COL10A1: variants seen among roughly 807,000 people sequenced by gnomAD.
The protein encoded by COL10A1 is collagen alpha-1(X) chain.
A neutral mutation model predicts 18.2 loss-of-function variants in COL10A1; 10 were observed. That is an observed-to-expected ratio of 0.55 (90% CI 0.34 to 0.93). The LOEUF (loss-of-function observed/expected upper bound fraction) is 0.93, where lower values mean the gene tolerates loss of function less well. COL10A1 is among the 40% of genes least tolerant of loss of function. The probability of loss-of-function intolerance (pLI) is 0.02; values close to 1 mark genes in which losing one functional copy is unlikely to be tolerated. For missense variants in COL10A1, 897 were observed against 853.5 expected (o/e 1.05, Z -0.64); for synonymous variants, 330 against 316.6 (o/e 1.04, Z -0.45).
the COL10A1 span, among the ~76,000 whole-genome samples, chr6:116,171,288 A>T: frequency 6.6e-6 from 1 of 152,218 alleles, no homozygotes; most frequent in South Asian, 2.1e-4. Context: ...CACATTATAA[A>T]ATCAAATAAA....
At chr6:116,144,074 G>A (rs754058150) in intron 1 of COL10A1, among the ~76,000 whole-genome samples, 14 of 152,034 alleles carry the variant, frequency 9.2e-5, no homozygotes, top group Non-Finnish European at 1.5e-4. Context: ...TTTATAATGA[G>A]GATATTCAGA....
the COL10A1 span, among the ~76,000 whole-genome samples, chr6:116,187,907 A>G: frequency 6.6e-6 from 1 of 152,048 alleles, no homozygotes; most frequent in Admixed American, 6.6e-5. Context: ...ATTACTAAGA[A>G]CGAAAGGGCA....
the COL10A1 span, among the ~76,000 whole-genome samples, chr6:116,214,406 A>G: frequency 6.6e-6 from 1 of 152,176 alleles, no homozygotes; most frequent in African/African-American, 2.4e-5. Flanking sequence ...AACGTTAAAT[A>G]TGCATAATCT....
At chr6:116,165,098 GAAAAAA>G in the COL10A1 span, among the ~76,000 whole-genome samples, 2 of 101,072 alleles carry the variant, frequency 2.0e-5, no homozygotes, top group Non-Finnish European at 3.8e-5. Context: ...CTCCGTCTCA[GAAAAAA>G]AAAAAAAAAA....
At chr6:116,139,801 C>T (rs1275080064) in intron 1 of COL10A1, among the ~76,000 whole-genome samples, 2 of 152,096 alleles carry the variant, frequency 1.3e-5, no homozygotes, top group African/African-American at 2.4e-5. Context: ...AAGACATCTT[C>T]AATGTGAGGG....
In COL10A1 at chr6:116,121,686, G is replaced by C; in HGVS notation, c.430C>G (p.Pro144Ala). The C allele has an allele frequency of 1.2e-6, 2 of 1,614,046 alleles. No homozygotes were observed. The highest frequency in any genetic ancestry group is 1.7e-6 in the Non-Finnish European group (2 of 1,179,998). The stretch of plus-strand genomic sequence containing the variant: ...ATTCCAGCCGGTCCAGGGATTCCAG[G>C]TGGTCCTGGTGGGCCCCGGGGTCCT... ...LPGPRGPPGP[P>A]GIPGPAGISV... The change falls in exon 3 of 3, where the codon CCT becomes GCT. Residue 144 changes from proline to alanine, a missense_variant. Coordinates refer to ENST00000651968, the MANE Select transcript of COL10A1 (RefSeq NM_000493.4).
At chr6:116,211,886 TC>T in the COL10A1 span, among the ~76,000 whole-genome samples, 2 of 151,988 alleles carry the variant, frequency 1.3e-5, no homozygotes, top group African/African-American at 2.4e-5. Context: ...CCTGCTCTGA[TC>T]CCCCAACACA....
At chr6:116,199,230 C>T in the COL10A1 span, among the ~76,000 whole-genome samples, 8 of 152,036 alleles carry the variant, frequency 5.3e-5, no homozygotes, top group Non-Finnish European at 1.2e-4. Context: ...TTGTCAGTTA[C>T]GCCTATTAAA....
intron 1 of COL10A1, among the ~76,000 whole-genome samples, chr6:116,135,870 T>C (rs7749885): frequency 0.23 from 27,916 of 119,164 alleles, 3,061 homozygotes; most frequent in South Asian, 0.31. Context: ...TATATATATA[T>C]ATACACACAT....
At chr6:116,135,419 CA>C (rs1562132258) in intron 1 of COL10A1, among the ~76,000 whole-genome samples, 2 of 151,968 alleles carry the variant, frequency 1.3e-5, no homozygotes, top group South Asian at 2.1e-4. Flanking sequence ...CCGCCCCCCC[CA>C]CCTTTTTATT....
chr6:116,151,117 G>A (rs1780027198), intron 1 of COL10A1, among the ~76,000 whole-genome samples: 1 of 152,008 alleles, frequency 6.6e-6, no homozygotes, highest in Admixed American at 6.5e-5. Context: ...GCTCCTAATT[G>A]CAATTTGTAT....
the COL10A1 span, among the ~76,000 whole-genome samples, chr6:116,186,215 G>A: frequency 2.6e-5 from 4 of 151,952 alleles, no homozygotes; most frequent in African/African-American, 9.7e-5. Flanking sequence ...TGTCTAGCTT[G>A]TAGGGTTTCT....
At chr6:116,202,141 G>A in the COL10A1 span, among the ~76,000 whole-genome samples, 2 of 151,954 alleles carry the variant, frequency 1.3e-5, no homozygotes, top group Non-Finnish European at 2.9e-5. Context: ...AGCCACGTGT[G>A]GCCCATACCT....
At chr6:116,208,691 G>A in the COL10A1 span, among the ~76,000 whole-genome samples, 1 of 152,012 alleles carries the variant, frequency 6.6e-6, no homozygotes, top group Admixed American at 6.6e-5. Context: ...TCAGCCCTAG[G>A]CTTGTAGTGT....
the COL10A1 span, among the ~76,000 whole-genome samples, chr6:116,200,583 G>A: frequency 6.6e-6 from 1 of 151,930 alleles, no homozygotes; most frequent in South Asian, 2.1e-4. Flanking sequence ...CTAAATAAAG[G>A]TAAGACACTA....
intron 2 of COL10A1, among the ~76,000 whole-genome samples, chr6:116,124,692 TG>T (rs1371475899): frequency 2.0e-5 from 3 of 152,220 alleles, no homozygotes; most frequent in African/African-American, 7.2e-5. Context: ...AACTAAGGCA[TG>T]GGAGGACAAG....
upstream of COL10A1, among the ~76,000 whole-genome samples, chr6:116,127,949 A>G (rs1273517492): frequency 1.3e-5 from 2 of 152,116 alleles, no homozygotes; most frequent in East Asian, 1.9e-4. Context: ...TTATCAACAC[A>G]ATGAAAAGTT....
the COL10A1 span, among the ~76,000 whole-genome samples, chr6:116,196,186 C>A: frequency 1.3e-5 from 2 of 152,022 alleles, no homozygotes; most frequent in East Asian, 3.9e-4. Flanking sequence ...AAGCATCTAA[C>A]TTCCTTGATG....
At chr6:116,198,136 T>C in the COL10A1 span, among the ~76,000 whole-genome samples, 1 of 152,046 alleles carries the variant, frequency 6.6e-6, no homozygotes, top group Admixed American at 6.6e-5. Context: ...GGTCACCACA[T>C]CAACAAATAG....
Sources: gnomAD v4.1 joint callset for allele counts (sites outside exome capture counted in the v4.1 genomes callset) on GRCh38, gnomAD v4.1.1 for gene constraint, MANE v1.5 for transcripts, NCBI Gene and HGNC (gene_info 2026-07-23, HGNC 2026-07-21) for gene names.